BMP5: variants seen among roughly 807,000 people sequenced by gnomAD.
BMP5 encodes bone morphogenetic protein 5.
BMP5 carries 23 observed loss-of-function variants against 46.6 expected under a neutral mutation model. The ratio of observed to expected loss-of-function variants is 0.49; its 90% confidence interval spans 0.35 to 0.70. The LOEUF is 0.70. BMP5 is among the 30% of genes least tolerant of loss of function. The pLI is 0.00. For synonymous variants in BMP5, 204 were observed against 191.9 expected (o/e 1.06, Z -0.52); for missense variants, 545 against 565.6 (o/e 0.96, Z 0.37).
Position 55,803,661 on chromosome 6 carries a change from C to T in BMP5, c.684-9234G>A, listed in dbSNP as rs144149316. ...TTCAGCTTCCATTGAGTAACAGCTC[C>T]GTCAGCTTCTCCAAATTCTGGCCCA... On this transcript the variant is annotated intron_variant, in intron 2 of 6. Transcript: ENST00000370830. Among the ~76,000 whole-genome samples, 1,447 of 152,278 alleles carry T rather than the reference C, an allele frequency of 9.5e-3. 22 individuals are homozygous for T. The highest frequency in any genetic ancestry group is 0.032 in the African/African-American group (1,328 of 41,548).
intron 1 of BMP5, among the ~76,000 whole-genome samples, chr6:55,857,076 A>AT (rs1266839509): frequency 1.3e-5 from 2 of 152,090 alleles, no homozygotes; most frequent in Non-Finnish European, 2.9e-5. Flanking sequence ...ATGTCATTCA[A>AT]TTTTTTGAAT....
At chr6:55,761,860 T>C (rs928251133) in intron 4 of BMP5, among the ~76,000 whole-genome samples, 7 of 152,120 alleles carry the variant, frequency 4.6e-5, no homozygotes, top group Admixed American at 1.3e-4. Context: ...GAATCTCGTT[T>C]GGCTCTGTTT....
rs537831280 is a variant in BMP5 at position 55,851,589 on chromosome 6, A to T, written c.490+22787T>A. 4.6e-5 allele frequency among the ~76,000 whole-genome samples: 7 copies of T among 152,300 alleles called. No homozygotes were observed. In the East Asian group the frequency reaches 1.3e-3, roughly 29 times the overall value. On this transcript the variant is annotated intron_variant, in intron 1 of 6. Transcript: ENST00000370830. ...CAGTAGAACCACTGAACTGCAAAGG[A>T]ATCTGTGGACTTGGAAAATAAAGTG...
At chr6:55,835,086 CA>C (rs757850483) in intron 1 of BMP5, among the ~76,000 whole-genome samples, 2,150 of 112,448 alleles carry the variant, frequency 0.019, 27 homozygotes, top group African/African-American at 0.04. Context: ...AACTCCATCT[CA>C]AAAAAAAAAA....
intron 3 of BMP5, among the ~76,000 whole-genome samples, chr6:55,778,073 G>C (rs1016060720): frequency 1.1e-4 from 17 of 152,046 alleles, no homozygotes; most frequent in Non-Finnish European, 1.5e-4. Flanking sequence ...GCAGCAATCT[G>C]ACAACACTGG....
intron 4 of BMP5, among the ~76,000 whole-genome samples, chr6:55,762,271 GT>G (rs1774804802): frequency 6.6e-6 from 1 of 151,764 alleles, no homozygotes; most frequent in African/African-American, 2.4e-5. Context: ...TTGTTTTACA[GT>G]TTTTGTTAAA....
intron 1 of BMP5, among the ~76,000 whole-genome samples, chr6:55,854,575 A>T (rs1205213927): frequency 1.3e-5 from 2 of 152,022 alleles, no homozygotes; most frequent in Non-Finnish European, 2.9e-5. Flanking sequence ...TACTAGACTC[A>T]TTTCACAATT....
At chr6:55,756,387 C>A (rs79051730) in intron 6 of BMP5, among the ~76,000 whole-genome samples, 28 of 151,768 alleles carry the variant, frequency 1.8e-4, no homozygotes, top group Non-Finnish European at 3.7e-4. Flanking sequence ...AAATGAACAT[C>A]CACCTCCCCA....
intron 4 of BMP5, among the ~76,000 whole-genome samples, chr6:55,765,605 T>G (rs1426532541): frequency 6.6e-6 from 1 of 152,138 alleles, no homozygotes; most frequent in Non-Finnish European, 1.5e-5. Flanking sequence ...AGCCCAAAAA[T>G]AAATAACAAT....
chr6:55,810,489 G>A (rs1238516797), intron 2 of BMP5, among the ~76,000 whole-genome samples: 1 of 152,068 alleles, frequency 6.6e-6, no homozygotes, highest in Non-Finnish European at 1.5e-5. Context: ...ATTTAAACAT[G>A]TGCTACCAGG....
chr6:55,781,658 A>T (rs1775321520), intron 3 of BMP5, among the ~76,000 whole-genome samples: 1 of 146,740 alleles, frequency 6.8e-6, no homozygotes, highest in African/African-American at 2.5e-5. Context: ...CCCAGGCTGG[A>T]GCGCAGTGAT....
chr6:55,857,715 T>G (rs1431365647), intron 1 of BMP5, among the ~76,000 whole-genome samples: 2 of 152,170 alleles, frequency 1.3e-5, no homozygotes, highest in African/African-American at 2.4e-5. Flanking sequence ...TTCTCTGCAA[T>G]CCCAAAATGA....
chr6:55,827,177 T>C (rs1776553044), intron 1 of BMP5, among the ~76,000 whole-genome samples: 2 of 151,758 alleles, frequency 1.3e-5, no homozygotes, highest in South Asian at 2.1e-4. Context: ...TATTATGAGA[T>C]GGATGCCACA....
At chr6:55,823,158 T>C (rs951932824) in intron 1 of BMP5, among the ~76,000 whole-genome samples, 6 of 152,072 alleles carry the variant, frequency 3.9e-5, no homozygotes, top group South Asian at 2.1e-4. Context: ...AAGTTTATTA[T>C]AAATCTTCGT....
At chr6:55,773,946 A>G in intron 4 of BMP5, 103 bp downstream of exon 4, 1 of 1,234,638 alleles carries the variant, frequency 8.1e-7, no homozygotes, top group African/African-American at 1.5e-5. Context: ...TTAATGTACC[A>G]TCCGAAGGTA....
At chr6:55,778,251 G>A (rs889604890) in intron 3 of BMP5, among the ~76,000 whole-genome samples, 7 of 151,854 alleles carry the variant, frequency 4.6e-5, no homozygotes, top group African/African-American at 1.7e-4. Flanking sequence ...TGGATGGGGT[G>A]GTAATAGGAG....
chr6:55,763,720 C>T lies in BMP5; in HGVS notation c.1028-3187G>A, dbSNP rs139289865. Among the ~76,000 whole-genome samples the T allele has an allele frequency of 1.7e-4, 26 of 152,108 alleles. No homozygotes were observed. In the East Asian group the frequency reaches 5.0e-3, roughly 29 times the overall value. ...ACAATCAACACTAGAAAAAGTAAAC[C>T]AACATGTCTTATCCATAGTGCAAGT... On this transcript the variant is annotated intron_variant, in intron 4 of 6. Transcript: ENST00000370830.
chr6:55,797,576 C>A (rs1196359175), intron 2 of BMP5, among the ~76,000 whole-genome samples: 1 of 149,808 alleles, frequency 6.7e-6, no homozygotes, highest in African/African-American at 2.5e-5. Flanking sequence ...TGTGCATAAG[C>A]AAATATTTCA....
intron 3 of BMP5, among the ~76,000 whole-genome samples, chr6:55,789,760 G>T (rs1286669716): frequency 6.6e-6 from 1 of 151,952 alleles, no homozygotes; most frequent in Non-Finnish European, 1.5e-5. Flanking sequence ...ATCTTGTCTG[G>T]AATGTCTAAA....
Sources: gnomAD v4.1 joint callset for allele counts (sites outside exome capture counted in the v4.1 genomes callset) on GRCh38, gnomAD v4.1.1 for gene constraint, MANE v1.5 for transcripts, NCBI Gene and HGNC (gene_info 2026-07-23, HGNC 2026-07-21) for gene names.